Variants in NUP107 observed in about 807,000 individuals in gnomAD.
NUP107 encodes the protein nucleoporin 107, also known as nuclear pore complex protein Nup107.
A neutral mutation model predicts 141.0 loss-of-function variants in NUP107; 101 were observed. The ratio of observed to expected loss-of-function variants is 0.72; its 90% CI spans 0.61 to 0.84. NUP107 has a LOEUF of 0.84. NUP107 is among the 40% of genes least tolerant of loss of function. NUP107 has a pLI of 0.00. For synonymous variants in NUP107, 319 were observed against 363.9 expected (o/e 0.88, Z 1.41); for missense variants, 941 against 1,102.7 (o/e 0.85, Z 2.08).
intron 14 of NUP107, among the ~76,000 whole-genome samples, chr12:68,719,942 T>G (rs970536563): frequency 6.6e-6 from 1 of 152,166 alleles, no homozygotes; most frequent in African/African-American, 2.4e-5. Flanking sequence ...GAATTGAACT[T>G]TTAAAACTTA....
rs1456619256 is a variant in NUP107 at position 68,722,046 on chromosome 12, T to A, written c.1458-58T>A. On this transcript the variant is annotated intron_variant, in intron 16 of 27. Transcript: ENST00000229179. The stretch of plus-strand genomic sequence containing the variant: ...TTGTAGCATGCTCTTTGATGTTTCG[T>A]TTTACACCCCTTTTTCATATTATTA... 1.9e-6 allele frequency: 3 copies of A among 1,610,714 alleles called. No individual in the cohort carries two copies. In the African/African-American group the frequency reaches 4.0e-5, roughly 22 times the overall value.
At chr12:68,714,458 C>T (rs1877013707) in intron 11 of NUP107, 1 of 152,178 alleles carries the variant, frequency 6.6e-6, no homozygotes, top group East Asian at 1.9e-4. Flanking sequence ...TTTAATCTTA[C>T]CAGCTGGAAA....
intron 16 of NUP107, 49 bp from the exon 17 acceptor site, chr12:68,722,055 C>T: frequency 6.2e-7 from 1 of 1,609,744 alleles, no homozygotes; most frequent in Non-Finnish European, 8.5e-7. Context: ...GTTTTACACC[C>T]CTTTTTCATA....
intron 11 of NUP107, chr12:68,714,375 T>G (rs1166273320): frequency 6.6e-6 from 1 of 152,238 alleles, no homozygotes; most frequent in Admixed American, 6.5e-5. Context: ...AGAAAATTGT[T>G]TGGAAACTAC....
intron 8 of NUP107, chr12:68,705,689 C>A (rs954378541): frequency 1.1e-5 from 7 of 642,888 alleles, no homozygotes; most frequent in East Asian, 3.2e-5. Flanking sequence ...GGCCCAAGGG[C>A]CTTCAGTAGC....
intron 5 of NUP107, among the ~76,000 whole-genome samples, chr12:68,692,344 G>A (rs1875840453): frequency 6.6e-6 from 1 of 151,960 alleles, no homozygotes; most frequent in African/African-American, 2.4e-5. Flanking sequence ...ACTTTGAGAG[G>A]CCGAGGCGGG....
At chr12:68,723,198 C>G (rs1053590685) in intron 17 of NUP107, among the ~76,000 whole-genome samples, 9 of 151,938 alleles carry the variant, frequency 5.9e-5, no homozygotes, top group Non-Finnish European at 4.4e-5. Flanking sequence ...CATAGCAAAA[C>G]TTCGTCTCTA....
chr12:68,710,740 T>C (rs760491751), intron 10 of NUP107, among the ~76,000 whole-genome samples: 11 of 151,576 alleles, frequency 7.3e-5, no homozygotes, highest in Non-Finnish European at 1.3e-4. Context: ...TTTAAAAATA[T>C]AGTATAATAG....
In NUP107 at chr12:68,741,806, T is replaced by C. The variant is rs1278661411; in HGVS notation, c.2503-7T>C. On this transcript the variant is annotated splice_polypyrimidine_tract_variant and splice_region_variant and intron_variant, in intron 26 of 27. Coordinates refer to ENST00000229179, the MANE Select transcript of NUP107 (RefSeq NM_020401.4). ...TGTTAAAATGATTTATTGATGTCTG[T>C]TTGTAGGATGCCAAAGAAGACCATG... 3.1e-6 allele frequency: 5 copies of C among 1,609,328 alleles called. No individual in the cohort carries two copies. The highest frequency in any genetic ancestry group is 2.7e-5 in the African/African-American group (2 of 74,698).
At position 68,744,863 on chromosome 12, in the gene NUP107, C is replaced by T. The variant is rs1455872480; in HGVS notation, c.*2401C>T. The T allele has an allele frequency of 1.6e-4, 25 of 152,232 alleles. No individual in the cohort carries two copies. Among genetic ancestry groups the T allele is most frequent in the Admixed American group, 1.6e-3 (25 of 15,278 alleles). The allele number at this position is 152,232 out of a possible 1,614,324, so 9.4% of individuals were successfully genotyped here. Reference sequence around the variant, plus strand: ...AATTTCAGGCAACTTAATTTAGTTCCTCAGTGCCTACTCTTGAAGAACTGG... The same window carrying T: ...AATTTCAGGCAACTTAATTTAGTTCTTCAGTGCCTACTCTTGAAGAACTGG... On this transcript the variant is annotated 3_prime_UTR_variant, in exon 28 of 28. Coordinates refer to ENST00000229179, the MANE Select transcript of NUP107 (RefSeq NM_020401.4).
chr12:68,736,193 CAAAGA>C (rs1159027676), intron 26 of NUP107, among the ~76,000 whole-genome samples: 1 of 152,106 alleles, frequency 6.6e-6, no homozygotes, highest in African/African-American at 2.4e-5. Context: ...TTATTTTGAA[CAAAGA>C]AAACAGTAAG....
Position 68,689,527 on chromosome 12 carries a change from G to A in NUP107, c.101-6G>A. ...CATGGAAAACTTTTCTTAACTCGTT[G>A]TACAGTTCAGGCATCTCAAGATGAA... On this transcript the variant is annotated splice_region_variant and splice_polypyrimidine_tract_variant and intron_variant, in intron 2 of 27. Transcript: ENST00000229179. The A allele has an allele frequency of 2.5e-6, 4 of 1,570,626 alleles. No homozygotes were observed. The highest frequency in any genetic ancestry group is 2.6e-6 in the Non-Finnish European group (3 of 1,153,540).
At chr12:68,734,130 A>C (rs1877963588) in intron 24 of NUP107, among the ~76,000 whole-genome samples, 1 of 152,170 alleles carries the variant, frequency 6.6e-6, no homozygotes, top group African/African-American at 2.4e-5. Flanking sequence ...AAACAAAATT[A>C]GCCAGGCATG....
At chr12:68,722,820 A>G (rs1877411108) in intron 17 of NUP107, among the ~76,000 whole-genome samples, 1 of 152,136 alleles carries the variant, frequency 6.6e-6, no homozygotes, top group Admixed American at 6.6e-5. Context: ...AGTGTTCTTT[A>G]GAATAATGTA....
Position 68,733,440 on chromosome 12 carries a change from CT to C in NUP107, c.2102-6del. 6.2e-7 allele frequency: 1 copy of C among 1,603,922 alleles called. No homozygotes were observed. Among genetic ancestry groups the C allele is most frequent in the African/African-American group, 1.3e-5 (1 of 74,490 alleles). ...TCCGTAGGCATTCAAAATTGTGTAT[CT>C]TTTTTCACAGCATCAAAAAAGCACG... is the stretch of plus-strand genomic sequence containing the variant. On this transcript the variant is annotated splice_polypyrimidine_tract_variant and intron_variant, in intron 23 of 27. Transcript: ENST00000229179.
At chr12:68,731,750 A>C (rs779939812) in intron 22 of NUP107, 31 bp downstream of exon 22, 1 of 1,102,942 alleles carries the variant, frequency 9.1e-7, no homozygotes, top group Non-Finnish European at 1.3e-6. Context: ...AGAGGTTTCT[A>C]TAACTTCTAA....
intron 5 of NUP107, among the ~76,000 whole-genome samples, chr12:68,696,355 ACT>A (rs1393620118): frequency 2.7e-5 from 4 of 146,100 alleles, no homozygotes; most frequent in African/African-American, 1.0e-4. Flanking sequence ...ACAGAGTGAG[ACT>A]CTGTCTCAAT....
intron 19 of NUP107, 101 bp from the exon 20 acceptor site, chr12:68,727,250 A>G (rs1877603427): frequency 3.2e-6 from 2 of 617,380 alleles, no homozygotes; most frequent in Non-Finnish European, 5.8e-6. Context: ...AGTGGTAAAC[A>G]TTACAATTAT....
At chr12:68,712,644 G>GTTTTTT (rs568962637) in intron 10 of NUP107, among the ~76,000 whole-genome samples, 1 of 125,998 alleles carries the variant, frequency 7.9e-6, no homozygotes, top group Non-Finnish European at 1.7e-5. Flanking sequence ...TTTGTTTTTT[G>GTTTTTT]TTTTTTTTTT....
Sources: gnomAD v4.1 joint callset for allele counts (sites outside exome capture counted in the v4.1 genomes callset) on GRCh38, gnomAD v4.1.1 for gene constraint, MANE v1.5 for transcripts, NCBI Gene and HGNC (gene_info 2026-07-23, HGNC 2026-07-21) for gene names.